ORC5: variants seen among roughly 807,000 people sequenced by gnomAD.
The protein encoded by ORC5 is protein phosphatase 1, regulatory subunit 117.
In ORC5, 39 loss-of-function variants were observed where a neutral mutation model predicts 58.8. That is an observed-to-expected ratio of 0.66 (90% confidence interval 0.51 to 0.87). The LOEUF (loss-of-function observed/expected upper bound fraction) is 0.87. Ranked by LOEUF, ORC5 falls within the 40% of genes least tolerant of loss-of-function variation. The probability of loss-of-function intolerance (pLI) is 0.00; values close to 1 mark genes in which losing one functional copy is unlikely to be tolerated. For synonymous variants in ORC5, 218 were observed against 177.6 expected (o/e 1.23, Z -1.81); for missense variants, 493 against 506.3 (o/e 0.97, Z 0.25).
chr7:104,149,516 A>T (rs1385103291), intron 12 of ORC5, among the ~76,000 whole-genome samples: 2 of 150,178 alleles, frequency 1.3e-5, no homozygotes, highest in African/African-American at 5.1e-5. Context: ...TTCAGATTTC[A>T]TGTTAGAAAA....
intron 4 of ORC5, 29 bp downstream of exon 4, chr7:104,197,696 G>C: frequency 6.8e-7 from 1 of 1,476,028 alleles, no homozygotes. Flanking sequence ...TTAAGTTGTG[G>C]GGAGAAAGCA....
At chr7:104,155,338 T>C (rs1798906876) in intron 12 of ORC5, among the ~76,000 whole-genome samples, 2 of 151,690 alleles carry the variant, frequency 1.3e-5, no homozygotes, top group Non-Finnish European at 3.0e-5. Flanking sequence ...AATTTTTTAT[T>C]ATGTACAACT....
In ORC5 at chr7:104,168,542, G is replaced by C. The variant is rs1204465296; in HGVS notation, c.825-17C>G. 3.5e-6 allele frequency: 5 copies of C among 1,432,916 alleles called. No homozygotes were observed. Among genetic ancestry groups the C allele is most frequent in the African/African-American group, 2.8e-5 (2 of 70,350 alleles). The allele number at this position is 1,432,916 out of a possible 1,614,324, so 88.8% of individuals were successfully genotyped here. On this transcript the variant is annotated splice_polypyrimidine_tract_variant and intron_variant, in intron 8 of 13. Transcript: ENST00000297431. Reference sequence around the variant, plus strand: ...CACTGGGAACTGAAAAAAAATAGAAGAGCAAAAATGAATTAAAAATAAATA... The same window carrying C: ...CACTGGGAACTGAAAAAAAATAGAACAGCAAAAATGAATTAAAAATAAATA...
chr7:104,132,693 G>A lies in ORC5; in HGVS notation c.1262+4088C>T, dbSNP rs575780600. 3.3e-5 allele frequency among the ~76,000 whole-genome samples: 5 copies of A among 152,332 alleles called. 1 individual carries two copies. Among genetic ancestry groups the A allele is most frequent in the African/African-American group, 1.2e-4 (5 of 41,556 alleles). ...TAGGTTTGAGGATAAGGCAGTGATAGACATAAACACAGTCTGCTTTGAGCT... is the reference window on the plus strand; with the variant it reads ...TAGGTTTGAGGATAAGGCAGTGATAAACATAAACACAGTCTGCTTTGAGCT... On this transcript the variant is annotated intron_variant, in intron 13 of 13. Coordinates refer to ENST00000297431, the MANE Select transcript of ORC5 (RefSeq NM_002553.4).
rs10672012 is a variant in ORC5, at chr7:104,205,086, C to CTTTTTT, written c.73-858_73-853dup. ...GAAAACTTGATTTTTTAATAATACT[C>CTTTTTT]TTTTTTTTTTTTTTTTTTTTTGAGA... On this transcript the variant is annotated intron_variant, in intron 1 of 13. Coordinates refer to ENST00000297431, the MANE Select transcript of ORC5 (RefSeq NM_002553.4). 1.3e-4 allele frequency among the ~76,000 whole-genome samples: 13 copies of CTTTTTT among 99,424 alleles called. 1 individual carries two copies. Among genetic ancestry groups the CTTTTTT allele is most frequent in the Non-Finnish European group, 1.6e-4 (8 of 51,346 alleles). The allele number at this position is 99,424 out of a possible 152,430, so 65.2% of individuals were successfully genotyped here. A position where few individuals can be genotyped will look rare whatever the true frequency, so the allele number is the denominator to read the frequency against.
chr7:104,179,879 T>C (rs1799399640), intron 8 of ORC5, among the ~76,000 whole-genome samples: 1 of 152,230 alleles, frequency 6.6e-6, no homozygotes, highest in African/African-American at 2.4e-5. Context: ...TAATCTTGAT[T>C]GAGGTGATAA....
Position 104,129,402 on chromosome 7 carries a change from C to T in ORC5, c.1263-2509G>A, listed in dbSNP as rs562615549. On this transcript the variant is annotated intron_variant, in intron 13 of 13. Coordinates refer to ENST00000297431, the MANE Select transcript of ORC5 (RefSeq NM_002553.4). The surrounding 1 kb of genome is among the most constrained non-coding windows in gnomAD (Gnocchi z 4.9). ...GTAAGAGTTTTAGATTAAAAAAAAT[C>T]GATCAGGAATTGAATATAAAATCAT... is the stretch of plus-strand genomic sequence containing the variant. Among the ~76,000 whole-genome samples, 68 of 152,120 alleles carry T rather than the reference C, an allele frequency of 4.5e-4. No homozygotes were observed. In the South Asian group the frequency reaches 6.8e-3, roughly 15 times the overall value.
At chr7:104,198,981 G>A (rs1345032790) in intron 3 of ORC5, among the ~76,000 whole-genome samples, 6 of 152,360 alleles carry the variant, frequency 3.9e-5, no homozygotes, top group East Asian at 3.9e-4. Flanking sequence ...AAGCCTTGGC[G>A]GCTTACATGT....
At chr7:104,161,540 T>G (rs376907998) in intron 11 of ORC5, among the ~76,000 whole-genome samples, 2 of 152,112 alleles carry the variant, frequency 1.3e-5, no homozygotes, top group Admixed American at 6.5e-5. Flanking sequence ...TTGGGTATTT[T>G]TACAAATTAT....
chr7:104,166,112 C>G (rs1799103379), intron 10 of ORC5, among the ~76,000 whole-genome samples: 1 of 151,924 alleles, frequency 6.6e-6, no homozygotes, highest in African/African-American at 2.4e-5. Flanking sequence ...TGTTGTAAGT[C>G]CAAAGAAGAA....
chr7:104,191,190 A>C (rs1227452799), intron 5 of ORC5, among the ~76,000 whole-genome samples: 1 of 151,698 alleles, frequency 6.6e-6, no homozygotes, highest in African/African-American at 2.4e-5. Flanking sequence ...CAAACTTTAA[A>C]TATAATGTCA....
intron 8 of ORC5, among the ~76,000 whole-genome samples, chr7:104,181,338 C>T (rs187661694): frequency 2.0e-5 from 3 of 152,242 alleles, no homozygotes; most frequent in Non-Finnish European, 2.9e-5. Flanking sequence ...TTTCATTCCT[C>T]TAAAATTCAA....
At position 104,126,782 on chromosome 7, in the gene ORC5, G is replaced by A. The variant is rs545276866; in HGVS notation, c.*66C>T. 3.3e-6 allele frequency: 4 copies of A among 1,212,794 alleles called. No individual in the cohort carries two copies. The East Asian group carries it at 9.9e-5, about 30-fold the overall frequency. 75.1% of individuals were successfully genotyped at this position (1,212,794 alleles called of 1,614,324 possible). A position where few individuals can be genotyped will look rare whatever the true frequency, so the allele number is the denominator to read the frequency against. ...AGAACTCCTCTCCTTGGCCAGCTAA[G>A]TAGCTGGATGAACACAGCTTGGCTT... On this transcript the variant is annotated 3_prime_UTR_variant, in exon 14 of 14. Coordinates refer to ENST00000297431, the MANE Select transcript of ORC5 (RefSeq NM_002553.4).
intron 6 of ORC5, chr7:104,188,035 ACAAT>A (rs771839825): frequency 2.7e-5 from 30 of 1,104,956 alleles, no homozygotes; most frequent in Middle Eastern, 2.3e-4. Context: ...ATCAGATCAA[ACAAT>A]CAAAGTTTGT....
intron 8 of ORC5, among the ~76,000 whole-genome samples, chr7:104,179,432 T>C (rs1413048419): frequency 6.6e-6 from 1 of 152,126 alleles, no homozygotes; most frequent in Non-Finnish European, 1.5e-5. Context: ...TGGCTGTAAT[T>C]AGAAGGGAAT....
At position 104,172,553 on chromosome 7, in the gene ORC5, T is replaced by TA. The variant is rs565003421; in HGVS notation, c.825-4029dup. ...TAAGGCATTCATGAGAGAAAAATGG[T>TA]AAAAAAAATTGACTAGAAAGAAAAG... On this transcript the variant is annotated intron_variant, in intron 8 of 13. Coordinates refer to ENST00000297431, the MANE Select transcript of ORC5 (RefSeq NM_002553.4). Among the ~76,000 whole-genome samples, 54 of 152,168 alleles carry TA rather than the reference T, an allele frequency of 3.5e-4. No homozygotes were observed. In the South Asian group the frequency reaches 8.7e-3, roughly 25 times the overall value.
intron 12 of ORC5, among the ~76,000 whole-genome samples, chr7:104,149,337 C>T (rs1468692335): frequency 4.6e-5 from 7 of 151,924 alleles, no homozygotes; most frequent in Non-Finnish European, 8.8e-5. Context: ...GTTTCTACAC[C>T]CTATGAAGAT....
intron 5 of ORC5, among the ~76,000 whole-genome samples, chr7:104,191,605 G>C (rs1177094218): frequency 6.6e-6 from 1 of 152,024 alleles, no homozygotes; most frequent in Non-Finnish European, 1.5e-5. Context: ...TCACTGTGTT[G>C]CTGTAAAAGT....
intron 12 of ORC5, among the ~76,000 whole-genome samples, chr7:104,156,727 A>G (rs1798931775): frequency 6.6e-6 from 1 of 151,916 alleles, no homozygotes; most frequent in African/African-American, 2.4e-5. Context: ...ATATAGACAC[A>G]TTATAACTAA....
Sources: allele counts gnomAD v4.1 joint callset (sites outside exome capture counted in the v4.1 genomes callset), GRCh38; gene constraint gnomAD v4.1.1; non-coding constraint Gnocchi (gnomAD v3.1); transcripts MANE v1.5; gene names NCBI Gene and HGNC (gene_info 2026-07-23, HGNC 2026-07-21).